Variants in HECW2 observed in about 807,000 individuals in gnomAD.
HECW2 encodes the protein E3 ubiquitin-protein ligase HECW2.
A neutral mutation model predicts 175.2 loss-of-function variants in HECW2; 61 were observed. The ratio of observed to expected loss-of-function variants is 0.35; its 90% CI spans 0.28 to 0.43. HECW2 has a LOEUF of 0.43. HECW2 is among the 20% of genes least tolerant of loss of function. The pLI is 1.00. For synonymous variants in HECW2, 671 were observed against 731.0 expected (o/e 0.92, Z 1.32); for missense variants, 1,524 against 2,000.5 (o/e 0.76, Z 4.54).
chr2:196,274,825 A>G lies in HECW2; in HGVS notation c.3136-702T>C, dbSNP rs916932891. Among the ~76,000 whole-genome samples the G allele has an allele frequency of 3.3e-5, 5 of 152,362 alleles. No individual in the cohort carries two copies. The South Asian group carries it at 6.2e-4, about 19-fold the overall frequency. On this transcript the variant is annotated intron_variant, in intron 15 of 28. Transcript: ENST00000644978. The stretch of plus-strand genomic sequence containing the variant: ...CATACACACAAGTAGATAACCAAAA[A>G]TACCCATTAACAGCCTTACCAGAAA...
chr2:196,550,667 T>C (rs1689577693), intron 1 of HECW2, among the ~76,000 whole-genome samples: 1 of 152,226 alleles, frequency 6.6e-6, no homozygotes, highest in Admixed American at 6.5e-5. Context: ...AATGCTATTT[T>C]GTGACTATCT....
Position 196,228,098 on chromosome 2 carries a change from T to C in HECW2, c.3917+4A>G, listed in dbSNP as rs1365286435. ...AAGAAAAGTGTTGGGGAAAAAATAC[T>C]TACCATTCATGGTGATTGTCTACAA... On this transcript the variant is annotated splice_donor_region_variant and intron_variant, in intron 22 of 28. Coordinates refer to ENST00000644978, the MANE Select transcript of HECW2 (RefSeq NM_001348768.2). 4 of 1,543,318 alleles carry C rather than the reference T, an allele frequency of 2.6e-6. No homozygotes were observed.
intron 2 of HECW2, among the ~76,000 whole-genome samples, chr2:196,426,739 GT>G (rs1236767885): frequency 6.6e-6 from 1 of 152,094 alleles, no homozygotes; most frequent in Non-Finnish European, 1.5e-5. Flanking sequence ...GGACACTGAA[GT>G]TCCAGCCTTG....
intron 28 of HECW2, among the ~76,000 whole-genome samples, chr2:196,213,379 C>G (rs1379506443): frequency 6.6e-6 from 1 of 152,156 alleles, no homozygotes; most frequent in Non-Finnish European, 1.5e-5. Context: ...ATTGTTACTC[C>G]TACCTTAGAG....
chr2:196,233,982 G>C (rs996388680), intron 21 of HECW2, among the ~76,000 whole-genome samples: 1 of 152,150 alleles, frequency 6.6e-6, no homozygotes, highest in African/African-American at 2.4e-5. Flanking sequence ...AGCTCAAAAG[G>C]AAGATATTAC....
chr2:196,494,818 C>T (rs866691262), intron 1 of HECW2, among the ~76,000 whole-genome samples: 8 of 152,252 alleles, frequency 5.3e-5, no homozygotes, highest in Middle Eastern at 3.4e-3. Flanking sequence ...CAAGGTATTC[C>T]ACTGAGCATT....
intron 1 of HECW2, among the ~76,000 whole-genome samples, chr2:196,569,992 A>G (rs943759919): frequency 6.6e-6 from 1 of 152,254 alleles, no homozygotes. Flanking sequence ...ACACCTGTGA[A>G]TAGCCAACGC....
intron 25 of HECW2, 31 bp downstream of exon 25, chr2:196,220,764 G>T: frequency 6.2e-7 from 1 of 1,611,492 alleles, no homozygotes; most frequent in East Asian, 2.2e-5. Context: ...ATATCAGACT[G>T]CAAACTCCTC....
chr2:196,572,557 T>C lies in HECW2; in HGVS notation c.-36+20951A>G, dbSNP rs75764642. Among the ~76,000 whole-genome samples the C allele has an allele frequency of 4.6e-4, 70 of 152,306 alleles. 2 individuals are homozygous for C. The East Asian group carries it at 7.7e-3, about 17-fold the overall frequency. On this transcript the variant is annotated intron_variant, in intron 1 of 28. Transcript: ENST00000644978. ...TGTGAATGTACTTAACATTACTGAA[T>C]TGTACATTTAAAAATAGTTTAAGAT...
At chr2:196,588,213 A>G (rs917066066) in intron 1 of HECW2, among the ~76,000 whole-genome samples, 3 of 152,220 alleles carry the variant, frequency 2.0e-5, no homozygotes, top group Non-Finnish European at 4.4e-5. Context: ...AAACTCTACA[A>G]GGTCAGAGAT....
rs6729934 is a variant in HECW2, at chr2:196,306,604, G to A, written c.2698C>T (p.Arg900Trp). The change falls in exon 13 of 29, where the codon CGG becomes TGG. Residue 900 changes from arginine (R) to tryptophan (W), a missense_variant. By Grantham distance (101) the Arg-to-Trp change is moderately radical. Coordinates refer to ENST00000644978, the MANE Select transcript of HECW2 (RefSeq NM_001348768.2). The stretch of plus-strand genomic sequence containing the variant: ...GTAGAGTGAGGCAGGATGTTCTCCC[G>A]TCGGAAATCTAGATGGGGCAGACCA... ...DFHQASADFRRENILPHSTSR... is the reference protein window; with the variant it reads ...DFHQASADFRWENILPHSTSR... 6.2e-6 allele frequency: 10 copies of A among 1,611,342 alleles called. No homozygotes were observed. Among genetic ancestry groups the A allele is most frequent in the South Asian group, 3.3e-5 (3 of 90,628 alleles).
chr2:196,305,522 T>C (rs1234113088), intron 13 of HECW2, among the ~76,000 whole-genome samples: 1 of 152,236 alleles, frequency 6.6e-6, no homozygotes, highest in African/African-American at 2.4e-5. Context: ...TTTTTCTCTA[T>C]GATCTACTCT....
chr2:196,275,113 C>T (rs1171071211), intron 15 of HECW2, among the ~76,000 whole-genome samples: 1 of 152,222 alleles, frequency 6.6e-6, no homozygotes, highest in Non-Finnish European at 1.5e-5. Flanking sequence ...CCCTCCACCG[C>T]TTGCTTGTCC....
intron 17 of HECW2, among the ~76,000 whole-genome samples, chr2:196,259,619 G>T (rs1689207622): frequency 6.6e-6 from 1 of 152,088 alleles, no homozygotes; most frequent in Non-Finnish European, 1.5e-5. Context: ...TAAAGGAGTT[G>T]CTCAGAAGGC....
chr2:196,313,145 T>C (rs1252750443), intron 10 of HECW2, among the ~76,000 whole-genome samples: 1 of 152,132 alleles, frequency 6.6e-6, no homozygotes, highest in Non-Finnish European at 1.5e-5. Context: ...TATACAACAA[T>C]TCCATATTGT....
At chr2:196,318,002 T>A (rs1177233191) in intron 9 of HECW2, among the ~76,000 whole-genome samples, 1 of 152,216 alleles carries the variant, frequency 6.6e-6, no homozygotes, top group African/African-American at 2.4e-5. Context: ...AAACACTACC[T>A]TTGATGCATA....
intron 1 of HECW2, among the ~76,000 whole-genome samples, chr2:196,583,591 G>T (rs572355336): frequency 4.6e-5 from 7 of 152,200 alleles, no homozygotes; most frequent in Non-Finnish European, 1.5e-5. Flanking sequence ...TACGAAGGAA[G>T]AAAGTTCTGA....
At chr2:196,529,707 C>T (rs1210482408) in intron 1 of HECW2, among the ~76,000 whole-genome samples, 2 of 152,134 alleles carry the variant, frequency 1.3e-5, no homozygotes, top group Non-Finnish European at 2.9e-5. Context: ...TGCCAGTGAA[C>T]AAGTCTACAC....
intron 1 of HECW2, among the ~76,000 whole-genome samples, chr2:196,522,014 G>T (rs1471596646): frequency 2.0e-5 from 3 of 152,016 alleles, no homozygotes; most frequent in Admixed American, 6.5e-5. Flanking sequence ...GGGATGGCTG[G>T]GTCAAATGGT....
Sources: gnomAD v4.1 joint callset for allele counts (sites outside exome capture counted in the v4.1 genomes callset) on GRCh38, gnomAD v4.1.1 for gene constraint, MANE v1.5 for transcripts, NCBI Gene and HGNC (gene_info 2026-07-23, HGNC 2026-07-21) for gene names.